SLC1A2: variants seen among roughly 807,000 people sequenced by gnomAD.
The protein encoded by SLC1A2 is excitatory amino acid transporter 2.
In SLC1A2, 15 loss-of-function variants were observed where a neutral mutation model predicts 48.8. That is an observed-to-expected ratio of 0.31 (90% CI 0.21 to 0.47). The LOEUF is 0.47. SLC1A2 is among the 20% of genes least tolerant of loss of function. The probability of loss-of-function intolerance (pLI) is 0.99; values close to 1 mark genes in which losing one functional copy is unlikely to be tolerated. For missense variants in SLC1A2, 502 were observed against 730.5 expected, an observed-to-expected ratio of 0.69 and a Z score of 3.61; for synonymous variants, 279 against 272.6, an observed-to-expected ratio of 1.02 and a Z score of -0.23.
chr11:35,374,269 A>G (rs1188041614), intron 1 of SLC1A2: 1 of 980,822 alleles, frequency 1.0e-6, no homozygotes, highest in Non-Finnish European at 1.5e-6. Context: ...TGAGAAATGG[A>G]ACTCTTAACA....
At chr11:35,295,635 GC>G (rs11297103) in intron 6 of SLC1A2, among the ~76,000 whole-genome samples, 13,342 of 152,238 alleles carry the variant, frequency 0.088, 1,900 homozygotes, top group African/African-American at 0.3. Flanking sequence ...TGGCTGGAGA[GC>G]CTGGGGAGAG....
intron 9 of SLC1A2, among the ~76,000 whole-genome samples, chr11:35,270,274 G>A (rs572453087): frequency 9.9e-5 from 15 of 152,282 alleles, no homozygotes; most frequent in African/African-American, 3.6e-4. Flanking sequence ...CTTTTCACCT[G>A]AGCAAGGGAA....
At chr11:35,398,723 A>G (rs1855048932) in intron 1 of SLC1A2, among the ~76,000 whole-genome samples, 1 of 152,210 alleles carries the variant, frequency 6.6e-6, no homozygotes, top group Admixed American at 6.5e-5. Context: ...ACACAGCCCA[A>G]ACTTGAAGCA....
intron 1 of SLC1A2, among the ~76,000 whole-genome samples, chr11:35,355,514 C>T (rs115880466): frequency 2.9e-4 from 44 of 152,276 alleles, no homozygotes; most frequent in African/African-American, 1.1e-3. Context: ...TGTTTTGCTG[C>T]GTGTCTGCAC....
At chr11:35,268,259 C>T (rs562270028) in intron 9 of SLC1A2, among the ~76,000 whole-genome samples, 9 of 152,286 alleles carry the variant, frequency 5.9e-5, no homozygotes, top group Admixed American at 2.6e-4. Context: ...TCTGAGTACC[C>T]ATTGATCTCA....
chr11:35,312,017 C>CCCTG (rs1851723468), intron 4 of SLC1A2, 181 bp downstream of exon 4: 1 of 419,124 alleles, frequency 2.4e-6, no homozygotes, highest in African/African-American at 2.1e-5. Flanking sequence ...AAAATTAAAA[C>CCCTG]CAGGAGACTC....
At chr11:35,270,133 A>T (rs1850238246) in intron 9 of SLC1A2, among the ~76,000 whole-genome samples, 3 of 152,198 alleles carry the variant, frequency 2.0e-5, no homozygotes, top group Admixed American at 2.0e-4. Context: ...ATATTTTAAA[A>T]TGAATTTTTA....
intron 10 of SLC1A2, 76 bp from the exon 11 acceptor site, chr11:35,261,041 C>G: frequency 9.8e-7 from 1 of 1,020,806 alleles, no homozygotes; most frequent in South Asian, 1.3e-5. Context: ...TGTGGAGAAG[C>G]ACCAAATCCA....
chr11:35,333,732 G>A (rs1852511251), intron 1 of SLC1A2, among the ~76,000 whole-genome samples: 1 of 151,846 alleles, frequency 6.6e-6, no homozygotes, highest in Non-Finnish European at 1.5e-5. Flanking sequence ...CACGATCTCA[G>A]CTCACTATAA....
chr11:35,291,052 C>T (rs1850985145), intron 7 of SLC1A2, among the ~76,000 whole-genome samples: 1 of 152,156 alleles, frequency 6.6e-6, no homozygotes, highest in Non-Finnish European at 1.5e-5. Context: ...GCAGTGGCAC[C>T]TCCCTAGCAT....
At chr11:35,359,021 C>G (rs963940989) in intron 1 of SLC1A2, among the ~76,000 whole-genome samples, 1 of 152,138 alleles carries the variant, frequency 6.6e-6, no homozygotes, top group African/African-American at 2.4e-5. Context: ...ATTTTCCCAC[C>G]AAATACAGGC....
At position 35,257,312 on chromosome 11, in the gene SLC1A2, C is replaced by T. The variant is rs1950327067; in HGVS notation, c.*3582G>A. On this transcript the variant is annotated 3_prime_UTR_variant, in exon 11 of 11. Transcript: ENST00000278379. Reference sequence around the variant, plus strand: ...CATGAGTCTAAATCCAGGAGCTAGGCATTTTGGCACCCCTTCTTTCAGCTT... The same window carrying T: ...CATGAGTCTAAATCCAGGAGCTAGGTATTTTGGCACCCCTTCTTTCAGCTT... 6.6e-6 allele frequency: 1 copy of T among 152,208 alleles called. No individual in the cohort carries two copies. Among genetic ancestry groups the T allele is most frequent in the South Asian group, 2.1e-4 (1 of 4,836 alleles). The allele number at this position is 152,208 out of a possible 1,614,324, so 9.4% of individuals were successfully genotyped here. A position where few individuals can be genotyped will look rare whatever the true frequency, so the allele number is the denominator to read the frequency against.
rs1950354339 is a variant in SLC1A2, at chr11:35,259,012, CCCTGT to C, written c.*1877_*1881del. On this transcript the variant is annotated 3_prime_UTR_variant, in exon 11 of 11. Transcript: ENST00000278379. ...TAATCATATCCCTTGACCACCCTGA[CCCTGT>C]TTACTGCCCATCTACTGGAAATAAA... 1 of 151,498 alleles carries C rather than the reference CCCTGT, an allele frequency of 6.6e-6. No individual in the cohort carries two copies. Among genetic ancestry groups the C allele is most frequent in the African/African-American group, 2.5e-5 (1 of 40,786 alleles). The allele number at this position is 151,498 out of a possible 1,614,324, so 9.4% of individuals were successfully genotyped here. A position where few individuals can be genotyped will look rare whatever the true frequency, so the allele number is the denominator to read the frequency against.
intron 1 of SLC1A2, among the ~76,000 whole-genome samples, chr11:35,347,015 TG>T (rs1174255541): frequency 2.0e-5 from 3 of 152,112 alleles, no homozygotes; most frequent in African/African-American, 7.2e-5. Context: ...GTTTAGACTT[TG>T]GAAAAAGACA....
At chr11:35,265,329 CA>C in intron 10 of SLC1A2, 197 bp downstream of exon 10, 2 of 567,292 alleles carry the variant, frequency 3.5e-6, no homozygotes, top group South Asian at 2.4e-5. Context: ...ACTCTTTCTC[CA>C]TCAGACTTGT....
chr11:35,260,705 T>C lies in SLC1A2; in HGVS notation c.*189A>G. The C allele has an allele frequency of 3.5e-6, 2 of 572,414 alleles. No homozygotes were observed. The highest frequency in any genetic ancestry group is 6.2e-6 in the Non-Finnish European group (2 of 322,042). The allele number at this position is 572,414 out of a possible 1,614,324, so 35.5% of individuals were successfully genotyped here. A position where few individuals can be genotyped will look rare whatever the true frequency, so the allele number is the denominator to read the frequency against. On this transcript the variant is annotated 3_prime_UTR_variant, in exon 11 of 11. Coordinates refer to ENST00000278379, the MANE Select transcript of SLC1A2 (RefSeq NM_004171.4). Reference sequence around the variant, plus strand: ...AAAATTAGACGGTTATAAAGCATTATTTGGCAAAGACACAGCACCGTGCCT... The same window carrying C: ...AAAATTAGACGGTTATAAAGCATTACTTGGCAAAGACACAGCACCGTGCCT...
chr11:35,364,171 G>A (rs1853770303), intron 1 of SLC1A2, among the ~76,000 whole-genome samples: 1 of 152,194 alleles, frequency 6.6e-6, no homozygotes, highest in Non-Finnish European at 1.5e-5. Flanking sequence ...GTGGTGTCCA[G>A]GAGCTGGCAA....
intron 1 of SLC1A2, among the ~76,000 whole-genome samples, chr11:35,402,932 A>G (rs1237140390): frequency 6.6e-6 from 1 of 152,240 alleles, no homozygotes; most frequent in African/African-American, 2.4e-5. Context: ...CCTACTTTCT[A>G]ATCTTATCAC....
chr11:35,267,042 C>G (rs1341565645), intron 9 of SLC1A2, among the ~76,000 whole-genome samples: 1 of 152,202 alleles, frequency 6.6e-6, no homozygotes, highest in East Asian at 1.9e-4. Flanking sequence ...CTCTCAGGGG[C>G]ATCTCTCCAT....
Sources: gnomAD v4.1 joint callset for allele counts (sites outside exome capture counted in the v4.1 genomes callset) on GRCh38, gnomAD v4.1.1 for gene constraint, MANE v1.5 for transcripts, NCBI Gene and HGNC (gene_info 2026-07-23, HGNC 2026-07-21) for gene names.